The following MKLN1 variants were observed in gnomAD, a reference collection of about 807,000 sequenced individuals.
The protein encoded by MKLN1 is muskelin 1.
MKLN1 carries 18 observed loss-of-function variants against 99.0 expected under a neutral mutation model. The ratio of observed to expected loss-of-function variants is 0.18; its 90% CI spans 0.13 to 0.27. MKLN1 has a LOEUF of 0.27. Among genes scored for constraint, MKLN1 ranks in the 10% least tolerant of loss-of-function variants. The pLI is 1.00. For missense variants in MKLN1, 621 were observed against 875.9 expected (o/e 0.71, Z 3.67); for synonymous variants, 288 against 293.2 (o/e 0.98, Z 0.18).
intron 2 of MKLN1, among the ~76,000 whole-genome samples, chr7:131,166,558 T>C (rs1302152857): frequency 3.3e-5 from 5 of 152,238 alleles, no homozygotes; most frequent in South Asian, 2.1e-4. Context: ...CTTCTTGCTG[T>C]TCCCCAAACA....
intron 2 of MKLN1, among the ~76,000 whole-genome samples, chr7:131,186,909 T>C (rs1796459708): frequency 6.6e-6 from 1 of 152,168 alleles, no homozygotes; most frequent in Non-Finnish European, 1.5e-5. Flanking sequence ...GGCAGTATCA[T>C]TGAGCTTAGT....
chr7:131,486,258 CA>C (rs59893973), intron 17 of MKLN1, among the ~76,000 whole-genome samples: 76,808 of 141,934 alleles, frequency 0.54, 20,084 homozygotes, highest in East Asian at 0.66. Context: ...TTGGAAATTT[CA>C]AAAAAAAAAA....
intron 1 of MKLN1, among the ~76,000 whole-genome samples, chr7:131,136,524 C>G (rs993551197): frequency 2.6e-5 from 4 of 152,132 alleles, no homozygotes; most frequent in African/African-American, 7.2e-5. Flanking sequence ...GTGTTGTTCC[C>G]TGTGTCATTT....
At chr7:131,350,944 C>G (rs561749749) in intron 1 of MKLN1, among the ~76,000 whole-genome samples, 6 of 152,288 alleles carry the variant, frequency 3.9e-5, no homozygotes, top group African/African-American at 1.4e-4. Context: ...ACAGATTTAG[C>G]AGTAATTCTT....
chr7:131,235,690 A>T (rs115398117), intron 3 of MKLN1, among the ~76,000 whole-genome samples: 1 of 152,324 alleles, frequency 6.6e-6, no homozygotes, highest in African/African-American at 2.4e-5. Flanking sequence ...AATCTGTTGT[A>T]TCTTTTTTCA....
chr7:131,399,465 T>C, intron 6 of MKLN1, 32 bp downstream of exon 6: 1 of 1,571,144 alleles, frequency 6.4e-7, no homozygotes, highest in East Asian at 2.2e-5. Context: ...TTAGGGTAAA[T>C]TCAAGTACAT....
chr7:131,218,567 T>C (rs1327930338), intron 3 of MKLN1, among the ~76,000 whole-genome samples: 1 of 152,254 alleles, frequency 6.6e-6, no homozygotes, highest in African/African-American at 2.4e-5. Flanking sequence ...TAGTTAGTTA[T>C]GCTACATTTC....
intron 9 of MKLN1, among the ~76,000 whole-genome samples, chr7:131,433,456 A>T (rs1334968336): frequency 2.0e-5 from 3 of 152,156 alleles, no homozygotes; most frequent in Non-Finnish European, 2.9e-5. Context: ...TTATATGGAG[A>T]CATTTCAAGA....
intron 2 of MKLN1, among the ~76,000 whole-genome samples, chr7:131,156,239 A>T (rs6467357): frequency 0.97 from 147,277 of 152,106 alleles, 71,500 homozygotes; most frequent in East Asian, 1. Flanking sequence ...GAAAGTGACA[A>T]GTATTCGACC....
At chr7:131,212,923 C>CAAA (rs36105040) in intron 3 of MKLN1, among the ~76,000 whole-genome samples, 24,862 of 128,414 alleles carry the variant, frequency 0.19, 2,487 homozygotes, top group Non-Finnish European at 0.26. Context: ...AACTCCGTCT[C>CAAA]AAAAAAAAAA....
At chr7:131,338,523 T>C (rs892452985) in intron 1 of MKLN1, among the ~76,000 whole-genome samples, 10 of 152,244 alleles carry the variant, frequency 6.6e-5, no homozygotes, top group Non-Finnish European at 1.0e-4. Flanking sequence ...AAGTCTGATA[T>C]TTTAAGAACT....
intron 3 of MKLN1, among the ~76,000 whole-genome samples, chr7:131,291,580 T>TTATATATA (rs34732483): frequency 1.4e-5 from 2 of 145,180 alleles, no homozygotes; most frequent in Admixed American, 6.9e-5. Context: ...CTTTCATTTA[T>TTATATATA]TATATATATA....
At chr7:131,262,150 A>G (rs1227198938) in intron 3 of MKLN1, among the ~76,000 whole-genome samples, 1 of 152,134 alleles carries the variant, frequency 6.6e-6, no homozygotes, top group Non-Finnish European at 1.5e-5. Context: ...TTAAAGAATA[A>G]CTCGGCTGGG....
chr7:131,435,125 T>C (rs991934774), intron 9 of MKLN1, among the ~76,000 whole-genome samples: 11 of 152,216 alleles, frequency 7.2e-5, no homozygotes, highest in African/African-American at 2.7e-4. Context: ...GTAATTGTGT[T>C]TTTTCTTCTT....
rs895094242 is a variant in MKLN1 at position 131,493,715 on chromosome 7, T to C, written c.*5987T>C. The stretch of plus-strand genomic sequence containing the variant: ...GCCATAAAACATTTCAACATGCAGT[T>C]TGGGGGCTCCCTTGCTTATTCACTG... On this transcript the variant is annotated 3_prime_UTR_variant, in exon 18 of 18. Transcript: ENST00000352689. 6.6e-6 allele frequency: 1 copy of C among 152,184 alleles called. No homozygotes were observed. The highest frequency in any genetic ancestry group is 6.5e-5 in the Admixed American group (1 of 15,276). 9.4% of individuals were successfully genotyped at this position (152,184 alleles called of 1,614,324 possible).
intron 4 of MKLN1, among the ~76,000 whole-genome samples, chr7:131,393,976 A>G (rs1254065247): frequency 6.6e-6 from 1 of 150,646 alleles, no homozygotes; most frequent in Admixed American, 6.6e-5. Context: ...CTAATATTTT[A>G]TGTCTGGTGA....
chr7:131,326,745 T>A (rs1159129675), upstream of MKLN1: 2 of 152,214 alleles, frequency 1.3e-5, no homozygotes, highest in Non-Finnish European at 2.9e-5. Flanking sequence ...CTGGAGGGAA[T>A]TTCGGCAGGT....
intron 3 of MKLN1, among the ~76,000 whole-genome samples, chr7:131,260,731 A>G (rs1797719127): frequency 6.6e-6 from 1 of 152,210 alleles, no homozygotes; most frequent in Admixed American, 6.5e-5. Flanking sequence ...AAACAGACAC[A>G]TGAGGAGTGA....
chr7:131,116,195 A>G (rs1408939216), intron 1 of MKLN1, among the ~76,000 whole-genome samples: 5 of 151,704 alleles, frequency 3.3e-5, no homozygotes, highest in African/African-American at 9.7e-5. Context: ...ATGAATATAT[A>G]TATATATTCA....
Sources: gnomAD v4.1 joint callset for allele counts (sites outside exome capture counted in the v4.1 genomes callset) on GRCh38, gnomAD v4.1.1 for gene constraint, MANE v1.5 for transcripts, NCBI Gene and HGNC (gene_info 2026-07-23, HGNC 2026-07-21) for gene names.